Variants in BAIAP2 observed in about 807,000 individuals in gnomAD.
The protein encoded by BAIAP2 is BAR/IMD domain containing adaptor protein 2.
A neutral mutation model predicts 63.0 loss-of-function variants in BAIAP2; 18 were observed. That is an observed-to-expected ratio of 0.29 (90% CI 0.20 to 0.42). BAIAP2 has a LOEUF of 0.42. BAIAP2 is among the 10% of genes least tolerant of loss of function. The pLI is 1.00. For synonymous variants in BAIAP2, 386 were observed against 307.6 expected (o/e 1.25, Z -2.67); for missense variants, 610 against 734.3 (o/e 0.83, Z 1.96).
At chr17:81,114,678 C>CAA (rs763344316) in intron 13 of BAIAP2, among the ~76,000 whole-genome samples, 5 of 152,336 alleles carry the variant, frequency 3.3e-5, no homozygotes, top group South Asian at 2.1e-4. Flanking sequence ...TTAGAAAACA[C>CAA]AAAGTCCTCA....
intron 3 of BAIAP2, among the ~76,000 whole-genome samples, chr17:81,082,233 C>T (rs769139494): frequency 6.6e-6 from 1 of 152,172 alleles, no homozygotes; most frequent in Non-Finnish European, 1.5e-5. Flanking sequence ...ACATGCTCAC[C>T]CGCATAAGCA....
chr17:81,067,129 G>A (rs2051624618), intron 3 of BAIAP2, among the ~76,000 whole-genome samples: 2 of 152,206 alleles, frequency 1.3e-5, no homozygotes, highest in Non-Finnish European at 2.9e-5. Context: ...CCCTTCCAGA[G>A]CCCAACCGCT....
intron 13 of BAIAP2, 33 bp downstream of exon 13, chr17:81,108,542 G>A (rs371186083): frequency 1.4e-5 from 22 of 1,613,376 alleles, no homozygotes; most frequent in South Asian, 4.4e-5. Flanking sequence ...CTTTGGGACC[G>A]TGGGTGGGTG....
At chr17:81,081,298 G>T (rs532909092) in intron 3 of BAIAP2, among the ~76,000 whole-genome samples, 1 of 152,280 alleles carries the variant, frequency 6.6e-6, no homozygotes, top group East Asian at 1.9e-4. Context: ...TGCCTCCCCC[G>T]GGGTCCCACC....
chr17:81,091,543 G>A (rs57186897), intron 6 of BAIAP2, among the ~76,000 whole-genome samples: 34,183 of 152,136 alleles, frequency 0.22, 4,284 homozygotes, highest in East Asian at 0.49. Context: ...TCCAGTGTAT[G>A]CCCTGTGGGG....
intron 6 of BAIAP2, among the ~76,000 whole-genome samples, chr17:81,092,187 T>C (rs895356836): frequency 6.6e-6 from 1 of 152,260 alleles, no homozygotes; most frequent in Non-Finnish European, 1.5e-5. Flanking sequence ...CCACCTGAGC[T>C]GCATGTATGC....
chr17:81,055,848 G>T (rs1375737410), intron 2 of BAIAP2, among the ~76,000 whole-genome samples: 1 of 152,048 alleles, frequency 6.6e-6, no homozygotes, highest in Non-Finnish European at 1.5e-5. Flanking sequence ...TTACAGGGGT[G>T]AGCCACCGCG....
intron 3 of BAIAP2, among the ~76,000 whole-genome samples, chr17:81,072,518 C>T (rs2052875807): frequency 6.6e-6 from 1 of 152,228 alleles, no homozygotes; most frequent in Non-Finnish European, 1.5e-5. Context: ...GGGCCACAGC[C>T]TCACAGCCGT....
intron 4 of BAIAP2, 47 bp downstream of exon 4, chr17:81,084,940 G>T: frequency 6.3e-7 from 1 of 1,585,732 alleles, no homozygotes. Flanking sequence ...CAGGTGCGAC[G>T]GGAGAGCTGG....
chr17:81,041,772 A>G (rs1015921453), intron 1 of BAIAP2, among the ~76,000 whole-genome samples: 7 of 151,818 alleles, frequency 4.6e-5, no homozygotes, highest in African/African-American at 1.7e-4. Context: ...GGATTTTTCC[A>G]TGTTCGTCAG....
intron 6 of BAIAP2, chr17:81,086,863 G>A (rs55722330): frequency 0.24 from 89,497 of 370,546 alleles, 11,715 homozygotes; most frequent in East Asian, 0.45. Context: ...CCTCCCCTCT[G>A]TTCTCCCCAT....
intron 6 of BAIAP2, among the ~76,000 whole-genome samples, chr17:81,096,687 T>A (rs2057669261): frequency 6.6e-6 from 1 of 152,372 alleles, no homozygotes; most frequent in East Asian, 1.9e-4. Flanking sequence ...GCAGCCAGGC[T>A]GAGGCTGGAG....
intron 6 of BAIAP2, among the ~76,000 whole-genome samples, chr17:81,097,183 C>T (rs1386466063): frequency 6.6e-6 from 1 of 152,198 alleles, no homozygotes; most frequent in Non-Finnish European, 1.5e-5. Context: ...TCAAGGCCTA[C>T]TGGGGATAGG....
intron 1 of BAIAP2, among the ~76,000 whole-genome samples, chr17:81,042,746 TG>T (rs2047261707): frequency 6.6e-6 from 1 of 151,960 alleles, no homozygotes; most frequent in African/African-American, 2.4e-5. Context: ...GGGGAGAGGG[TG>T]TCCCCTAGCC....
chr17:81,084,890 A>G lies in BAIAP2; in HGVS notation c.276A>G (p.Glu92=). The stretch of plus-strand genomic sequence containing the variant: ...GGCAGATCCAGAATCAGCTGGAAGA[A>G]ATGGTGAGTCCACCCCCAGCGTGGC... ...VHRQIQNQLE[E]MLKSFHNELL... is the part of the protein sequence containing the mutation. Residue 92 remains glutamate, a synonymous_variant, in exon 4 of 14, where the codon GAA becomes GAG. Transcript: ENST00000428708. 6.2e-7 allele frequency: 1 copy of G among 1,613,714 alleles called. No individual in the cohort carries two copies. The highest frequency in any genetic ancestry group is 8.5e-7 in the Non-Finnish European group (1 of 1,180,018).
chr17:81,042,869 TTTTATTTTAA>T (rs1263161258), intron 1 of BAIAP2, among the ~76,000 whole-genome samples: 22 of 151,478 alleles, frequency 1.5e-4, no homozygotes, highest in Admixed American at 1.2e-3. Context: ...CAGGCGGGGC[TTTTATTTTAA>T]TTTAATTTAA....
Position 81,103,953 on chromosome 17 carries a change from G to A in BAIAP2, c.911G>A (p.Gly304Asp), listed in dbSNP as rs754048103. 12 of 1,613,040 alleles carry A rather than the reference G, an allele frequency of 7.4e-6. No individual in the cohort carries two copies. The highest frequency in any genetic ancestry group is 1.0e-5 in the Non-Finnish European group (12 of 1,180,018). The stretch of plus-strand genomic sequence containing the variant: ...ACACCCATCATGAACGGCGTCACAG[G>A]CCCGGATGGCGAGGACTACAGCCCG... ...ESTPIMNGVT[G>D]PDGEDYSPWA... is the part of the protein sequence containing the mutation. Residue 304 changes from glycine (G) to aspartate (D), a missense_variant, in exon 9 of 14, where the codon GGC (glycine) becomes GAC (aspartate). By Grantham distance (94) the Gly-to-Asp change is moderately conservative. Transcript: ENST00000428708.
intron 3 of BAIAP2, among the ~76,000 whole-genome samples, chr17:81,076,780 G>A (rs1187779529): frequency 2.0e-5 from 3 of 151,990 alleles, no homozygotes; most frequent in African/African-American, 7.3e-5. Context: ...ACCAGCCTGG[G>A]CAACATAGTG....
At chr17:81,106,477 C>T (rs1017309445) in intron 11 of BAIAP2, among the ~76,000 whole-genome samples, 3 of 152,128 alleles carry the variant, frequency 2.0e-5, no homozygotes, top group Admixed American at 6.5e-5. Context: ...CAGCTGAAAG[C>T]GGGGTACATG....
Sources: allele counts gnomAD v4.1 joint callset (sites outside exome capture counted in the v4.1 genomes callset), GRCh38; gene constraint gnomAD v4.1.1; transcripts MANE v1.5; gene names NCBI Gene and HGNC (gene_info 2026-07-23, HGNC 2026-07-21).